The following WWP2 variants were observed in gnomAD, a reference collection of about 807,000 sequenced individuals.
WWP2 encodes the protein NEDD4-like E3 ubiquitin-protein ligase WWP2.
WWP2 carries 57 observed loss-of-function variants against 121.0 expected under a neutral mutation model. The observed-to-expected ratio is 0.47, with a 90% CI of 0.38 to 0.59. The LOEUF is 0.59. Ranked by LOEUF, WWP2 falls within the 20% of genes least tolerant of loss-of-function variation. The pLI, the probability that WWP2 is intolerant of heterozygous loss-of-function variation, is 0.00. For synonymous variants in WWP2, 449 were observed against 441.3 expected, an observed-to-expected ratio of 1.02 and a Z score of -0.22; for missense variants, 962 against 1,158.9, an observed-to-expected ratio of 0.83 and a Z score of 2.47.
At chr16:69,863,962 A>G (rs2057473367) in intron 6 of WWP2, among the ~76,000 whole-genome samples, 2 of 152,188 alleles carry the variant, frequency 1.3e-5, no homozygotes, top group Middle Eastern at 3.2e-3. Context: ...TCATTCACCA[A>G]TTGAAGGACT....
At position 69,937,239 on chromosome 16, in the gene WWP2, G is replaced by A. The variant is rs781587412; in HGVS notation, c.2238+1G>A. 4 of 1,613,482 alleles carry A rather than the reference G, an allele frequency of 2.5e-6. No homozygotes were observed. In the Admixed American group the frequency reaches 6.7e-5, roughly 27 times the overall value. ...CTACTTTGACGAGAAAGAGCTGGAG[G>A]TGAGTGTCTGAGGTTGCTGGGACCC... On this transcript the variant is annotated splice_donor_variant, in intron 20 of 23. Transcript: ENST00000359154. LOFTEE classifies it high-confidence loss of function. The surrounding 1 kb of genome is among the most constrained non-coding windows in gnomAD (Gnocchi z 6.6).
At chr16:69,896,996 A>T (rs1168992988) in intron 8 of WWP2, among the ~76,000 whole-genome samples, 1 of 152,166 alleles carries the variant, frequency 6.6e-6, no homozygotes, top group Non-Finnish European at 1.5e-5. Flanking sequence ...ATTGTAAAAT[A>T]TTGTAAGCAT....
chr16:69,882,418 G>A (rs2057847418), intron 7 of WWP2, among the ~76,000 whole-genome samples: 1 of 151,822 alleles, frequency 6.6e-6, no homozygotes. Flanking sequence ...AGATTATTGG[G>A]CTTATTGAAT....
chr16:69,932,111 C>G (rs913006409), intron 16 of WWP2, among the ~76,000 whole-genome samples: 2 of 152,252 alleles, frequency 1.3e-5, no homozygotes, highest in Admixed American at 1.3e-4. Flanking sequence ...AGGTGGATCA[C>G]CTGAGGTCGG....
chr16:69,857,833 T>A (rs963779740), intron 6 of WWP2, among the ~76,000 whole-genome samples: 9 of 152,106 alleles, frequency 5.9e-5, no homozygotes, highest in African/African-American at 1.9e-4. Flanking sequence ...GGCTAATTTT[T>A]AAATTTTTTT....
intron 4 of WWP2, among the ~76,000 whole-genome samples, chr16:69,828,640 C>G (rs2056744833): frequency 6.6e-6 from 1 of 152,088 alleles, no homozygotes; most frequent in Admixed American, 6.5e-5. Context: ...GCTGGGATTA[C>G]AGATGTGAGC....
chr16:69,924,954 G>A lies in WWP2; in HGVS notation c.1180-476G>A, dbSNP rs536903576. Reference sequence around the variant, plus strand: ...GCTCTGGGCGTGGGCAGGGCTTGTGGGAATGATTTCATTGGAAAGGCCTGC... The same window carrying A: ...GCTCTGGGCGTGGGCAGGGCTTGTGAGAATGATTTCATTGGAAAGGCCTGC... On this transcript the variant is annotated intron_variant, in intron 10 of 23. Coordinates refer to ENST00000359154, the MANE Select transcript of WWP2 (RefSeq NM_001270454.2). 317 of 987,854 alleles carry A rather than the reference G, an allele frequency of 3.2e-4. 1 individual carries two copies. The highest frequency in any genetic ancestry group is 3.7e-4 in the Non-Finnish European group (307 of 831,476). 61.2% of individuals were successfully genotyped at this position (987,854 alleles called of 1,614,324 possible).
At chr16:69,800,095 T>C (rs989325613) in intron 4 of WWP2, among the ~76,000 whole-genome samples, 15 of 152,282 alleles carry the variant, frequency 9.9e-5, no homozygotes, top group African/African-American at 3.1e-4. Flanking sequence ...TGTTACATGA[T>C]TTAAGAGTCT....
chr16:69,820,489 C>A (rs1159664751), intron 4 of WWP2, among the ~76,000 whole-genome samples: 1 of 82,420 alleles, frequency 1.2e-5, no homozygotes, highest in African/African-American at 3.0e-5. Context: ...AGTGATCCAC[C>A]CACCTCAGCC....
chr16:69,873,638 G>T (rs1378069473), intron 7 of WWP2, among the ~76,000 whole-genome samples: 2 of 152,222 alleles, frequency 1.3e-5, no homozygotes, highest in South Asian at 4.1e-4. Context: ...GAGAACCATA[G>T]GCAGCTCTGC....
chr16:69,865,586 G>A lies in WWP2; in HGVS notation c.576-6218G>A, dbSNP rs1253500308. The stretch of plus-strand genomic sequence containing the variant: ...CAAAAAGCAGGCATTTCAAGGGAGG[G>A]AAAGATGAGACAGTAATTTACGCTA... On this transcript the variant is annotated intron_variant, in intron 6 of 23. Coordinates refer to ENST00000359154, the MANE Select transcript of WWP2 (RefSeq NM_001270454.2). Among the ~76,000 whole-genome samples the A allele has an allele frequency of 2.0e-5, 3 of 152,322 alleles. No homozygotes were observed. In the South Asian group the frequency reaches 6.2e-4, roughly 32 times the overall value.
At position 69,799,373 on chromosome 16, in the gene WWP2, A is replaced by G. The variant is rs139197398; in HGVS notation, c.340+78A>G. ...CCTGGCAGATCAACCTGGTATTGCA[A>G]TTTCCCCCAGGACTAGGGGCTGCAG... On this transcript the variant is annotated intron_variant, in intron 4 of 23. Coordinates refer to ENST00000359154, the MANE Select transcript of WWP2 (RefSeq NM_001270454.2). This position sits in a 1 kb window ranked among gnomAD's most constrained non-coding sequence, Gnocchi z 4.5. The G allele has an allele frequency of 1.5e-4, 236 of 1,552,024 alleles. No homozygotes were observed. Among genetic ancestry groups the G allele is most frequent in the African/African-American group, 2.3e-4 (17 of 73,372 alleles).
Position 69,933,888 on chromosome 16 carries a change from C to T in WWP2, c.1683-82C>T, listed in dbSNP as rs995062884. ...CGTGTCCCCATACTAACCTGAGACA[C>T]GATGGTGAAGAGACACAGCTCCTGT... On this transcript the variant is annotated intron_variant, in intron 16 of 23. Coordinates refer to ENST00000359154, the MANE Select transcript of WWP2 (RefSeq NM_001270454.2). 4.0e-6 allele frequency: 6 copies of T among 1,502,898 alleles called. No homozygotes were observed. The African/African-American group carries it at 4.1e-5, about 10-fold the overall frequency. 93.1% of individuals were successfully genotyped at this position (1,502,898 alleles called of 1,614,324 possible).
At chr16:69,920,004 A>G (rs2058535109) in intron 10 of WWP2, among the ~76,000 whole-genome samples, 1 of 151,992 alleles carries the variant, frequency 6.6e-6, no homozygotes, top group South Asian at 2.1e-4. Context: ...CATGTTGCCC[A>G]GGCTGGTCTT....
chr16:69,917,036 A>G (rs2058488877), intron 9 of WWP2, among the ~76,000 whole-genome samples: 1 of 152,230 alleles, frequency 6.6e-6, no homozygotes, highest in African/African-American at 2.4e-5. Flanking sequence ...TCTCAAAACA[A>G]AACAAAACCA....
chr16:69,776,961 G>T (rs1043466192), intron 1 of WWP2, among the ~76,000 whole-genome samples: 1 of 152,074 alleles, frequency 6.6e-6, no homozygotes, highest in Non-Finnish European at 1.5e-5. Context: ...AGATGGGATT[G>T]TTGTAGACCA....
In WWP2 at chr16:69,917,856, G is replaced by C. The variant is rs971014815; in HGVS notation, c.1152G>C (p.Gln384His). 1 of 1,612,580 alleles carries C rather than the reference G, an allele frequency of 6.2e-7. No individual in the cohort carries two copies. Among genetic ancestry groups the C allele is most frequent in the Non-Finnish European group, 8.5e-7 (1 of 1,178,616 alleles). ...SQRNQLQGAM[Q>H]HFSQRFLYQS... ...GGAATCAGCTCCAGGGGGCCATGCAGCACTTCAGCCAAAGATTCCTCTACC... is the reference window on the plus strand; with the variant it reads ...GGAATCAGCTCCAGGGGGCCATGCACCACTTCAGCCAAAGATTCCTCTACC... The change falls in exon 10 of 24, where the codon CAG (glutamine) becomes CAC (histidine). Residue 384 changes from glutamine to histidine, a missense_variant. Transcript: ENST00000359154.
chr16:69,886,557 C>T lies in WWP2; in HGVS notation c.704-1482C>T, dbSNP rs375011236. On this transcript the variant is annotated intron_variant, in intron 7 of 23. Coordinates refer to ENST00000359154, the MANE Select transcript of WWP2 (RefSeq NM_001270454.2). ...GGCATATCACTTGAGGCCAGGAGTTCGAGACCAACCTGGCCAACATGGTGA... is the reference window on the plus strand; with the variant it reads ...GGCATATCACTTGAGGCCAGGAGTTTGAGACCAACCTGGCCAACATGGTGA... 2.1e-3 allele frequency among the ~76,000 whole-genome samples: 323 copies of T among 152,164 alleles called. 3 individuals are homozygous for T. Among genetic ancestry groups the T allele is most frequent in the African/African-American group, 7.1e-3 (293 of 41,524 alleles).
intron 7 of WWP2, among the ~76,000 whole-genome samples, chr16:69,882,753 C>T (rs973900850): frequency 1.3e-5 from 2 of 152,290 alleles, no homozygotes; most frequent in Middle Eastern, 3.4e-3. Context: ...AACAAATCTG[C>T]CCTCGCTCTC....
Sources: gnomAD v4.1 joint callset for allele counts (sites outside exome capture counted in the v4.1 genomes callset) on GRCh38, gnomAD v4.1.1 for gene constraint, Gnocchi (gnomAD v3.1) non-coding constraint, MANE v1.5 for transcripts, NCBI Gene and HGNC (gene_info 2026-07-23, HGNC 2026-07-21) for gene names.